PRLR: variants seen among roughly 807,000 people sequenced by gnomAD.
The protein encoded by PRLR is prolactin receptor, also known as hPRL receptor.
In PRLR, 13 loss-of-function variants were observed where a neutral mutation model predicts 40.2. The observed-to-expected ratio is 0.32, with a 90% CI of 0.21 to 0.51. The LOEUF is 0.51. Ranked by LOEUF, PRLR falls within the 20% of genes least tolerant of loss-of-function variation. PRLR has a pLI of 0.97. For synonymous variants in PRLR, 269 were observed against 278.7 expected, an observed-to-expected ratio of 0.97 and a Z score of 0.35; for missense variants, 656 against 747.3, an observed-to-expected ratio of 0.88 and a Z score of 1.42.
chr5:35,139,974 A>G (rs1398446732), intron 1 of PRLR, among the ~76,000 whole-genome samples: 1 of 152,230 alleles, frequency 6.6e-6, no homozygotes. Context: ...AAGTAATTAC[A>G]TTGGTGAAAA....
intron 1 of PRLR, among the ~76,000 whole-genome samples, chr5:35,125,983 T>C (rs1773447960): frequency 6.6e-6 from 1 of 152,192 alleles, no homozygotes; most frequent in South Asian, 2.1e-4. Context: ...ATTAGTAGCA[T>C]GTGTCAAGGC....
Position 35,066,157 on chromosome 5 carries a change from T to C in PRLR, c.856-55A>G, listed in dbSNP as rs913747211. On this transcript the variant is annotated intron_variant, in intron 9 of 9. Coordinates refer to ENST00000618457, the MANE Select transcript of PRLR (RefSeq NM_000949.7). Reference sequence around the variant, plus strand: ...GCTGTTAGCTTCATAACATTCCAAATCAGCATCCCTGCTAAGTGGTGCTGT... The same window carrying C: ...GCTGTTAGCTTCATAACATTCCAAACCAGCATCCCTGCTAAGTGGTGCTGT... The C allele has an allele frequency of 4.6e-6, 7 of 1,512,162 alleles. No individual in the cohort carries two copies. In the African/African-American group the frequency reaches 8.3e-5, roughly 18 times the overall value. The allele number at this position is 1,512,162 out of a possible 1,614,324, so 93.7% of individuals were successfully genotyped here. A position where few individuals can be genotyped will look rare whatever the true frequency, so the allele number is the denominator to read the frequency against.
intron 1 of PRLR, among the ~76,000 whole-genome samples, chr5:35,207,907 G>C (rs1026433021): frequency 1.4e-4 from 22 of 152,044 alleles, no homozygotes; most frequent in African/African-American, 5.3e-4. Context: ...CAGTTTAGAC[G>C]TTTCATTAAA....
intron 1 of PRLR, among the ~76,000 whole-genome samples, chr5:35,211,602 G>A (rs1231012148): frequency 1.3e-5 from 2 of 152,154 alleles, no homozygotes; most frequent in African/African-American, 4.8e-5. Context: ...GTTACAAAAG[G>A]GGGAGAGGAT....
At chr5:35,121,009 C>A (rs922311100) in intron 1 of PRLR, among the ~76,000 whole-genome samples, 1 of 152,174 alleles carries the variant, frequency 6.6e-6, no homozygotes, top group Non-Finnish European at 1.5e-5. Context: ...ATCTGGCCTG[C>A]AGGCATTACT....
intron 2 of PRLR, among the ~76,000 whole-genome samples, chr5:35,109,538 C>A (rs1772507291): frequency 6.6e-6 from 1 of 152,118 alleles, no homozygotes; most frequent in Non-Finnish European, 1.5e-5. Flanking sequence ...CAAACAACCC[C>A]ATCAAAAAGT....
downstream of PRLR, among the ~76,000 whole-genome samples, chr5:35,054,946 G>A (rs1401501927): frequency 6.6e-6 from 1 of 152,178 alleles, no homozygotes; most frequent in Non-Finnish European, 1.5e-5. Context: ...GTTGAGGGAT[G>A]TAAATACAGC....
chr5:35,119,198 C>A (rs2111719747), intron 1 of PRLR, among the ~76,000 whole-genome samples: 1 of 152,244 alleles, frequency 6.6e-6, no homozygotes, highest in Non-Finnish European at 1.5e-5. Flanking sequence ...ATAATCTAAC[C>A]AGAGTAGCAG....
chr5:35,212,163 T>C (rs1776185790), intron 1 of PRLR, among the ~76,000 whole-genome samples: 1 of 152,240 alleles, frequency 6.6e-6, no homozygotes, highest in Non-Finnish European at 1.5e-5. Flanking sequence ...TCTTCGTAGG[T>C]ATACAATTGG....
chr5:35,228,752 G>A (rs1776616399), intron 1 of PRLR, among the ~76,000 whole-genome samples: 1 of 152,138 alleles, frequency 6.6e-6, no homozygotes, highest in Non-Finnish European at 1.5e-5. Context: ...CCCATGACAG[G>A]GGAGCTGTCT....
chr5:35,094,550 T>C (rs1380182746), intron 2 of PRLR, among the ~76,000 whole-genome samples: 2 of 152,150 alleles, frequency 1.3e-5, no homozygotes, highest in Non-Finnish European at 2.9e-5. Flanking sequence ...TCATAATCAC[T>C]CTGTGCTACC....
chr5:35,109,927 T>C (rs1186730629), intron 2 of PRLR, among the ~76,000 whole-genome samples: 1 of 152,258 alleles, frequency 6.6e-6, no homozygotes, highest in Non-Finnish European at 1.5e-5. Flanking sequence ...CATATGTTTA[T>C]TGCGGCACTA....
intron 9 of PRLR, 76 bp from the exon 10 acceptor site, chr5:35,066,178 G>T: frequency 1.5e-6 from 2 of 1,370,548 alleles, no homozygotes; most frequent in Non-Finnish European, 2.0e-6. Context: ...GCTAAGTGGT[G>T]CTGTTCATTG....
chr5:35,055,790 C>T lies in PRLR; in HGVS notation c.*9299G>A, dbSNP rs1768679038. The T allele has an allele frequency of 6.6e-6, 1 of 152,126 alleles. No individual in the cohort carries two copies. The highest frequency in any genetic ancestry group is 1.9e-4 in the East Asian group (1 of 5,196). 9.4% of individuals were successfully genotyped at this position (152,126 alleles called of 1,614,324 possible). The stretch of plus-strand genomic sequence containing the variant: ...TGCTCTGAAAAGGGACTGAAAAATG[C>T]ATCATAAAGTTACATAGTTCAGCAA... On this transcript the variant is annotated 3_prime_UTR_variant, in exon 10 of 10. Coordinates refer to ENST00000618457, the MANE Select transcript of PRLR (RefSeq NM_000949.7).
chr5:35,098,591 T>C (rs566028849), intron 2 of PRLR, among the ~76,000 whole-genome samples: 1 of 152,360 alleles, frequency 6.6e-6, no homozygotes, highest in South Asian at 2.1e-4. Context: ...CGTGTGTGAA[T>C]GTGCTGTTCA....
intron 1 of PRLR, among the ~76,000 whole-genome samples, chr5:35,127,934 G>A (rs573772007): frequency 6.6e-6 from 1 of 152,118 alleles, no homozygotes; most frequent in South Asian, 2.1e-4. Flanking sequence ...TATAGTGATG[G>A]TTGCACAACT....
chr5:35,049,461 GGGAGGTTATACCTCTTTTATTTAAAA>G, intron 8 of PRLR: 2 of 696,858 alleles, frequency 2.9e-6, no homozygotes, highest in South Asian at 3.0e-5. Flanking sequence ...GAGGGAAAGT[GGGAGGTTATACCTCTTTTATTTAAAA>G]AGAAAATAAA....
intron 1 of PRLR, among the ~76,000 whole-genome samples, chr5:35,215,867 A>T (rs1337509714): frequency 1.1e-5 from 1 of 92,324 alleles, no homozygotes; most frequent in East Asian, 2.5e-4. Context: ...TGTCTCTACT[A>T]AAAAAAAAAA....
intron 4 of PRLR, 101 bp downstream of exon 4, chr5:35,086,107 G>A (rs1770833510): frequency 1.4e-6 from 2 of 1,436,408 alleles, no homozygotes; most frequent in East Asian, 2.3e-5. Flanking sequence ...CCTTACTGGT[G>A]TAAATTCAGG....
Sources: allele counts gnomAD v4.1 joint callset (sites outside exome capture counted in the v4.1 genomes callset), GRCh38; gene constraint gnomAD v4.1.1; transcripts MANE v1.5; gene names NCBI Gene and HGNC (gene_info 2026-07-23, HGNC 2026-07-21).